The following RNFT2 variants were observed in gnomAD, a reference collection of about 807,000 sequenced individuals.
RNFT2 encodes ring finger protein, transmembrane 2, also known as E3 ubiquitin-protein ligase RNFT2.
Under a neutral mutation model 53.0 loss-of-function variants are expected in RNFT2, and 36 were observed. That is an observed-to-expected ratio of 0.68 (90% CI 0.52 to 0.90). RNFT2 has a LOEUF of 0.90. Ranked by LOEUF, RNFT2 falls within the 40% of genes least tolerant of loss-of-function variation. The pLI, the probability that RNFT2 is intolerant of heterozygous loss-of-function variation, is 0.00. For missense variants in RNFT2, 514 were observed against 585.6 expected (o/e 0.88, Z 1.26); for synonymous variants, 260 against 253.2 (o/e 1.03, Z -0.26).
At chr12:116,808,445 C>A (rs939867565) in intron 7 of RNFT2, among the ~76,000 whole-genome samples, 3 of 152,150 alleles carry the variant, frequency 2.0e-5, no homozygotes, top group Admixed American at 6.5e-5. Context: ...CACTCTGCCC[C>A]CTGGGAGACT....
intron 6 of RNFT2, among the ~76,000 whole-genome samples, chr12:116,771,936 G>C (rs1873215735): frequency 6.6e-6 from 1 of 152,168 alleles, no homozygotes; most frequent in South Asian, 2.1e-4. Context: ...TCACTCCCAT[G>C]AACATCTCGA....
chr12:116,783,620 C>T (rs1292140836), intron 7 of RNFT2, among the ~76,000 whole-genome samples: 2 of 152,236 alleles, frequency 1.3e-5, no homozygotes, highest in Non-Finnish European at 2.9e-5. Flanking sequence ...CAGCTACAGC[C>T]AAGCTCTGAC....
In RNFT2 at chr12:116,768,020, A is replaced by C. The variant is rs552732839; in HGVS notation, c.728+1106A>C. On this transcript the variant is annotated intron_variant, in intron 6 of 10. Transcript: ENST00000257575. ...AGTGCAGGTCTGGAATATTTCTGGA[A>C]GGACAACCAAGAAACTAGAAATAAT... is the stretch of plus-strand genomic sequence containing the variant. 3.9e-5 allele frequency among the ~76,000 whole-genome samples: 6 copies of C among 152,220 alleles called. No individual in the cohort carries two copies. In the South Asian group the frequency reaches 1.2e-3, roughly 32 times the overall value.
intron 7 of RNFT2, among the ~76,000 whole-genome samples, chr12:116,809,191 A>G (rs1049573712): frequency 1.1e-3 from 1 of 916 alleles, no homozygotes; most frequent in Non-Finnish European, 2.3e-3. Context: ...GAGTTTGTTC[A>G]TTCATTCATT....
In RNFT2 at chr12:116,852,803, A is replaced by G; in HGVS notation, c.*3355A>G. On this transcript the variant is annotated 3_prime_UTR_variant, in exon 11 of 11. Coordinates refer to ENST00000257575, the MANE Select transcript of RNFT2 (RefSeq NM_001382266.1). ...GAAGTCACTCAGCCTCCCTGTAGCC[A>G]TCTCCAGGGTGACGGAACCCAGTGT... 1 of 1,272,908 alleles carries G rather than the reference A, an allele frequency of 7.9e-7. No homozygotes were observed. The highest frequency in any genetic ancestry group is 1.1e-6 in the Non-Finnish European group (1 of 873,858). The allele number at this position is 1,272,908 out of a possible 1,614,324, so 78.9% of individuals were successfully genotyped here. A position where few individuals can be genotyped will look rare whatever the true frequency, so the allele number is the denominator to read the frequency against.
chr12:116,829,646 C>T (rs868235339), intron 7 of RNFT2, among the ~76,000 whole-genome samples: 5 of 152,178 alleles, frequency 3.3e-5, no homozygotes, highest in Non-Finnish European at 7.3e-5. Flanking sequence ...CCACATGCCA[C>T]GCATACGATG....
intron 7 of RNFT2, among the ~76,000 whole-genome samples, chr12:116,806,364 T>C (rs975383987): frequency 5.4e-5 from 1 of 18,546 alleles, no homozygotes; most frequent in Non-Finnish European, 1.2e-4. Context: ...AGTGAGACTG[T>C]CTCAAAAAAA....
At chr12:116,776,885 T>A (rs1873451801) in intron 6 of RNFT2, among the ~76,000 whole-genome samples, 1 of 151,244 alleles carries the variant, frequency 6.6e-6, no homozygotes, top group East Asian at 2.0e-4. Context: ...CTCCACCTCT[T>A]AGTGCCCCAG....
At chr12:116,806,562 A>C (rs964108557) in intron 7 of RNFT2, among the ~76,000 whole-genome samples, 1 of 151,970 alleles carries the variant, frequency 6.6e-6, no homozygotes, top group South Asian at 2.1e-4. Context: ...CCTGGGCAAC[A>C]TAGTGAGACA....
At chr12:116,832,792 A>G (rs1876745607) in intron 7 of RNFT2, among the ~76,000 whole-genome samples, 1 of 152,022 alleles carries the variant, frequency 6.6e-6, no homozygotes, top group Non-Finnish European at 1.5e-5. Context: ...CAACCCCGTA[A>G]GGTGGGAATT....
intron 5 of RNFT2, 40 bp downstream of exon 5, chr12:116,754,100 A>G (rs1350771733): frequency 3.9e-6 from 6 of 1,528,422 alleles, no homozygotes; most frequent in Non-Finnish European, 5.4e-6. Context: ...GGCTGCTGCA[A>G]CAAATAAGCC....
intron 5 of RNFT2, chr12:116,755,616 C>T (rs1436078537): frequency 4.1e-5 from 42 of 1,034,052 alleles, no homozygotes; most frequent in East Asian, 7.1e-5. Flanking sequence ...TTAATTCTCT[C>T]GGCAAGAATC....
intron 7 of RNFT2, among the ~76,000 whole-genome samples, chr12:116,832,148 A>T (rs7136986): frequency 0.64 from 36,233 of 56,184 alleles, 12,108 homozygotes; most frequent in East Asian, 0.74. Context: ...AAAAAAAAAA[A>T]ATATATATAT....
intron 7 of RNFT2, among the ~76,000 whole-genome samples, chr12:116,833,376 C>T (rs1876787238): frequency 6.6e-6 from 1 of 152,238 alleles, no homozygotes; most frequent in Non-Finnish European, 1.5e-5. Context: ...AGAGCAGTCG[C>T]CTGTGATGCT....
intron 7 of RNFT2, among the ~76,000 whole-genome samples, chr12:116,821,431 G>T (rs1445867603): frequency 1.3e-5 from 2 of 152,218 alleles, no homozygotes; most frequent in African/African-American, 2.4e-5. Context: ...TCGGTGCTGG[G>T]TCTGCAGGAC....
chr12:116,852,186 C>A lies in RNFT2; in HGVS notation c.*2738C>A. ...TGTTCTCTTATTGTCAACCTCAGCA[C>A]AACAGGCTGGCGCCAATGGCATTAC... On this transcript the variant is annotated 3_prime_UTR_variant, in exon 11 of 11. Coordinates refer to ENST00000257575, the MANE Select transcript of RNFT2 (RefSeq NM_001382266.1). 8.3e-7 allele frequency: 1 copy of A among 1,211,438 alleles called. No individual in the cohort carries two copies. 75.0% of individuals were successfully genotyped at this position (1,211,438 alleles called of 1,614,324 possible). A position where few individuals can be genotyped will look rare whatever the true frequency, so the allele number is the denominator to read the frequency against.
chr12:116,851,764 A>AAGGGAGGG lies in RNFT2; in HGVS notation c.*2324_*2331dup. 1 of 762,080 alleles carries AAGGGAGGG rather than the reference A, an allele frequency of 1.3e-6. No homozygotes were observed. The highest frequency in any genetic ancestry group is 2.2e-6 in the Non-Finnish European group (1 of 446,220). The allele number at this position is 762,080 out of a possible 1,614,324, so 47.2% of individuals were successfully genotyped here. A position where few individuals can be genotyped will look rare whatever the true frequency, so the allele number is the denominator to read the frequency against. ...TGTCTAAAAAAAAAAAGAAAGAAAG[A>AAGGGAGGG]AGGGAGGGAGGGAGGAAGGAAGGAA... On this transcript the variant is annotated 3_prime_UTR_variant, in exon 11 of 11. Transcript: ENST00000257575.
At chr12:116,740,059 G>A (rs1969017) in intron 1 of RNFT2, among the ~76,000 whole-genome samples, 123,269 of 151,898 alleles carry the variant, frequency 0.81, 50,155 homozygotes, top group East Asian at 0.99. Flanking sequence ...TACAAAAATT[G>A]GGTGGGCGTG....
Position 116,849,845 on chromosome 12 carries a change from C to CATTTTTT in RNFT2, c.*397_*398insATTTTTT. ...CCCTCCCTCCTTCCTTCCTTCCTTC[C>CATTTTTT]TTTTTTTTTTTTTTTTAAAACAAGG... On this transcript the variant is annotated 3_prime_UTR_variant, in exon 11 of 11. Coordinates refer to ENST00000257575, the MANE Select transcript of RNFT2 (RefSeq NM_001382266.1). 1.3e-5 allele frequency: 1 copy of CATTTTTT among 77,168 alleles called. No individual in the cohort carries two copies. The highest frequency in any genetic ancestry group is 2.1e-5 in the Non-Finnish European group (1 of 47,546). 4.8% of individuals were successfully genotyped at this position (77,168 alleles called of 1,614,324 possible). A position where few individuals can be genotyped will look rare whatever the true frequency, so the allele number is the denominator to read the frequency against.
Sources: allele counts gnomAD v4.1 joint callset (sites outside exome capture counted in the v4.1 genomes callset), GRCh38; gene constraint gnomAD v4.1.1; transcripts MANE v1.5; gene names NCBI Gene and HGNC (gene_info 2026-07-23, HGNC 2026-07-21).